Variants in LYPLAL1 observed in about 807,000 individuals in gnomAD.
LYPLAL1 encodes the protein lysophospholipase-like protein 1.
A neutral mutation model predicts 19.7 loss-of-function variants in LYPLAL1; 23 were observed. The ratio of observed to expected loss-of-function variants is 1.17; its 90% CI spans 0.84 to 1.65. The LOEUF (loss-of-function observed/expected upper bound fraction) is 1.65. LYPLAL1 is among the 40% of genes most tolerant of loss of function. The pLI, the probability that LYPLAL1 is intolerant of heterozygous loss-of-function variation, is 0.00. For synonymous variants in LYPLAL1, 119 were observed against 96.3 expected (o/e 1.24, Z -1.38); for missense variants, 355 against 279.4 (o/e 1.27, Z -1.93).
At chr1:219,355,049 A>G in the LYPLAL1 span, among the ~76,000 whole-genome samples, 11 of 152,320 alleles carry the variant, frequency 7.2e-5, no homozygotes, top group Non-Finnish European at 1.5e-4. Context: ...CTGAATGTAG[A>G]CTGTGTTAAA....
At chr1:219,324,786 T>A in the LYPLAL1 span, among the ~76,000 whole-genome samples, 1 of 152,172 alleles carries the variant, frequency 6.6e-6, no homozygotes, top group Non-Finnish European at 1.5e-5. Context: ...GTACATATGA[T>A]TTTTGTTATT....
chr1:219,213,048 C>T (rs138945406), downstream of LYPLAL1, among the ~76,000 whole-genome samples: 10 of 152,132 alleles, frequency 6.6e-5, no homozygotes, highest in South Asian at 1.2e-3. Context: ...CTTGCCAACA[C>T]TCATTATGAC....
chr1:219,400,427 C>T, the LYPLAL1 span, among the ~76,000 whole-genome samples: 1 of 152,044 alleles, frequency 6.6e-6, no homozygotes, highest in Admixed American at 6.6e-5. Context: ...GCCTCCAATG[C>T]CTGATTTCAC....
At chr1:219,434,080 C>A in the LYPLAL1 span, among the ~76,000 whole-genome samples, 10 of 152,000 alleles carry the variant, frequency 6.6e-5, no homozygotes, top group Non-Finnish European at 5.9e-5. Flanking sequence ...TAAAATACCA[C>A]GTGGAAAAAG....
the LYPLAL1 span, among the ~76,000 whole-genome samples, chr1:219,255,383 A>G: frequency 1.3e-5 from 2 of 151,862 alleles, no homozygotes; most frequent in Admixed American, 6.6e-5. Context: ...CTGTAAATGT[A>G]TTTTTAAAAT....
the LYPLAL1 span, among the ~76,000 whole-genome samples, chr1:219,381,740 T>C: frequency 3.9e-5 from 6 of 152,188 alleles, no homozygotes; most frequent in Non-Finnish European, 8.8e-5. Flanking sequence ...CATCATTCAT[T>C]CATTCATTCA....
chr1:219,373,223 G>C, the LYPLAL1 span, among the ~76,000 whole-genome samples: 1 of 152,154 alleles, frequency 6.6e-6, no homozygotes, highest in Non-Finnish European at 1.5e-5. Flanking sequence ...TACAATAAAT[G>C]GTATAAAACA....
At chr1:219,309,489 C>T in the LYPLAL1 span, among the ~76,000 whole-genome samples, 51 of 152,200 alleles carry the variant, frequency 3.4e-4, no homozygotes, top group Middle Eastern at 6.8e-3. Context: ...TGTGTCCCCA[C>T]CCATATCTCA....
chr1:219,232,791 A>G, the LYPLAL1 span, among the ~76,000 whole-genome samples: 2 of 152,002 alleles, frequency 1.3e-5, no homozygotes, highest in African/African-American at 2.4e-5. Context: ...GATATTCAAC[A>G]TGCCTACTCA....
At chr1:219,250,361 G>T in the LYPLAL1 span, among the ~76,000 whole-genome samples, 1 of 151,716 alleles carries the variant, frequency 6.6e-6, no homozygotes, top group Non-Finnish European at 1.5e-5. Flanking sequence ...TGTTCTTTTG[G>T]CCTATTCTTG....
the LYPLAL1 span, among the ~76,000 whole-genome samples, chr1:219,421,350 G>A: frequency 1.2e-3 from 190 of 152,266 alleles, no homozygotes; most frequent in African/African-American, 4.4e-3. Context: ...AGGAAAACCA[G>A]ATCATGAGAG....
chr1:219,348,150 G>T, the LYPLAL1 span, among the ~76,000 whole-genome samples: 1 of 152,164 alleles, frequency 6.6e-6, no homozygotes, highest in African/African-American at 2.4e-5. Context: ...AACAAACGCA[G>T]CTCTGCTCAG....
chr1:219,411,507 G>A, the LYPLAL1 span, among the ~76,000 whole-genome samples: 19 of 152,068 alleles, frequency 1.2e-4, no homozygotes, highest in East Asian at 1.9e-4. Context: ...ACCAATAAGC[G>A]CCCTGACAAA....
chr1:219,280,862 A>G, the LYPLAL1 span, among the ~76,000 whole-genome samples: 1 of 152,192 alleles, frequency 6.6e-6, no homozygotes, highest in Admixed American at 6.5e-5. Context: ...AGCCATGGCC[A>G]ACACAGCACA....
chr1:219,372,878 T>C, the LYPLAL1 span, among the ~76,000 whole-genome samples: 1 of 152,066 alleles, frequency 6.6e-6, no homozygotes, highest in Non-Finnish European at 1.5e-5. Context: ...CACTCCAGCC[T>C]GGGCTACACA....
At chr1:219,354,171 T>C in the LYPLAL1 span, among the ~76,000 whole-genome samples, 1 of 152,166 alleles carries the variant, frequency 6.6e-6, no homozygotes, top group Non-Finnish European at 1.5e-5. Flanking sequence ...GAAGGAAAGA[T>C]ACTTAAAGAA....
At chr1:219,412,718 G>T in the LYPLAL1 span, among the ~76,000 whole-genome samples, 6 of 152,154 alleles carry the variant, frequency 3.9e-5, 1 homozygote, top group East Asian at 1.9e-4. Context: ...CTTATCACTT[G>T]TATGGTGATA....
the LYPLAL1 span, among the ~76,000 whole-genome samples, chr1:219,241,556 T>A: frequency 6.6e-6 from 1 of 152,112 alleles, no homozygotes; most frequent in Non-Finnish European, 1.5e-5. Flanking sequence ...TATCTAGACA[T>A]CAAAGAATGA....
At chr1:219,239,968 A>G in the LYPLAL1 span, among the ~76,000 whole-genome samples, 2 of 152,254 alleles carry the variant, frequency 1.3e-5, no homozygotes, top group African/African-American at 4.8e-5. Flanking sequence ...AGGTCACAGT[A>G]TTTCTACTAT....
Sources: allele counts gnomAD v4.1 joint callset (sites outside exome capture counted in the v4.1 genomes callset), GRCh38; gene constraint gnomAD v4.1.1; transcripts MANE v1.5; gene names NCBI Gene and HGNC (gene_info 2026-07-23, HGNC 2026-07-21).